Variants in KCNQ5 observed in about 807,000 individuals in gnomAD.
The protein encoded by KCNQ5 is potassium voltage-gated channel subfamily KQT member 5.
In KCNQ5, 30 loss-of-function variants were observed where a neutral mutation model predicts 98.2. The observed-to-expected ratio is 0.31, with a 90% CI of 0.23 to 0.41. The LOEUF (loss-of-function observed/expected upper bound fraction) is 0.41, where lower values mean the gene tolerates loss of function less well. KCNQ5 is among the 10% of genes least tolerant of loss of function. KCNQ5 has a pLI of 1.00. For synonymous variants in KCNQ5, 458 were observed against 449.4 expected, an observed-to-expected ratio of 1.02 and a Z score of -0.24; for missense variants, 835 against 1,182.5, an observed-to-expected ratio of 0.71 and a Z score of 4.31.
At chr6:72,945,324 A>G (rs1766487534) in intron 1 of KCNQ5, among the ~76,000 whole-genome samples, 1 of 152,006 alleles carries the variant, frequency 6.6e-6, no homozygotes, top group Admixed American at 6.6e-5. Flanking sequence ...ACATATGTAT[A>G]CATGTGCCAT....
chr6:72,759,107 T>C (rs1028420135), intron 1 of KCNQ5, among the ~76,000 whole-genome samples: 1 of 152,166 alleles, frequency 6.6e-6, no homozygotes, highest in Non-Finnish European at 1.5e-5. Context: ...ACTTCTTGTT[T>C]CAGGTGAAGC....
intron 1 of KCNQ5, among the ~76,000 whole-genome samples, chr6:72,700,579 A>G (rs994447316): frequency 6.6e-6 from 1 of 152,192 alleles, no homozygotes; most frequent in Non-Finnish European, 1.5e-5. Flanking sequence ...CAAACTAGTA[A>G]AATAGTACAA....
chr6:73,167,707 A>G (rs987731703), intron 10 of KCNQ5, among the ~76,000 whole-genome samples: 1 of 152,172 alleles, frequency 6.6e-6, no homozygotes, highest in Non-Finnish European at 1.5e-5. Context: ...ACCAGTAAAG[A>G]CTAGAAATTT....
chr6:72,757,735 T>C (rs771394981), intron 1 of KCNQ5, among the ~76,000 whole-genome samples: 32 of 152,188 alleles, frequency 2.1e-4, no homozygotes, highest in Non-Finnish European at 3.7e-4. Context: ...ATGTCCTTCA[T>C]ATACAAGATT....
chr6:72,986,993 GA>G, intron 1 of KCNQ5: 1 of 792,062 alleles, frequency 1.3e-6, no homozygotes, highest in Non-Finnish European at 2.1e-6. Flanking sequence ...TGAAGAAGAA[GA>G]AAACAAAAAT....
chr6:73,012,777 A>G (rs1004874959), intron 2 of KCNQ5, among the ~76,000 whole-genome samples: 1 of 152,102 alleles, frequency 6.6e-6, no homozygotes, highest in East Asian at 1.9e-4. Flanking sequence ...ACATTTACCT[A>G]TGTAACAAAC....
At position 73,013,316 on chromosome 6, in the gene KCNQ5, T is replaced by G. The variant is rs548273542; in HGVS notation, c.489+9318T>G. On this transcript the variant is annotated intron_variant, in intron 2 of 13. Coordinates refer to ENST00000370398, the MANE Select transcript of KCNQ5 (RefSeq NM_019842.4). The stretch of plus-strand genomic sequence containing the variant: ...GACAGTGCTTGTGGCTTTATATCTC[T>G]TCTCTCGATGTCTGCATCTACTGAG... 2.0e-5 allele frequency among the ~76,000 whole-genome samples: 3 copies of G among 152,220 alleles called. No individual in the cohort carries two copies. In the East Asian group the frequency reaches 5.8e-4, roughly 29 times the overall value.
At chr6:72,895,451 C>G (rs1047678212) in intron 1 of KCNQ5, among the ~76,000 whole-genome samples, 11 of 151,522 alleles carry the variant, frequency 7.3e-5, no homozygotes, top group Non-Finnish European at 1.6e-4. Flanking sequence ...ATGGAGAACA[C>G]GATTTTTTAA....
chr6:73,013,544 T>C (rs1770179255), intron 2 of KCNQ5, among the ~76,000 whole-genome samples: 1 of 152,192 alleles, frequency 6.6e-6, no homozygotes, highest in Non-Finnish European at 1.5e-5. Flanking sequence ...GTACCCTTCA[T>C]TTATTAGGCT....
At chr6:73,008,895 C>T (rs1300193075) in intron 2 of KCNQ5, among the ~76,000 whole-genome samples, 1 of 152,132 alleles carries the variant, frequency 6.6e-6, no homozygotes, top group Non-Finnish European at 1.5e-5. Context: ...AGATGGATAC[C>T]ACACAAAGTA....
At chr6:73,112,991 G>A (rs1412876591) in intron 7 of KCNQ5, among the ~76,000 whole-genome samples, 1 of 150,956 alleles carries the variant, frequency 6.6e-6, no homozygotes, top group Non-Finnish European at 1.5e-5. Context: ...TTCTTTACAG[G>A]TTTTAAAAGG....
chr6:73,072,252 C>A (rs1773328881), intron 3 of KCNQ5, among the ~76,000 whole-genome samples: 1 of 152,168 alleles, frequency 6.6e-6, no homozygotes, highest in South Asian at 2.1e-4. Flanking sequence ...CTCTTTGTGG[C>A]TTACTTACCT....
intron 10 of KCNQ5, among the ~76,000 whole-genome samples, chr6:73,164,379 A>G (rs1156256171): frequency 1.3e-5 from 2 of 152,218 alleles, no homozygotes; most frequent in African/African-American, 2.4e-5. Flanking sequence ...CCTACCCAAA[A>G]AAAAGCAGAA....
chr6:73,145,984 T>A (rs913972338), intron 10 of KCNQ5, among the ~76,000 whole-genome samples: 4 of 152,100 alleles, frequency 2.6e-5, no homozygotes, highest in African/African-American at 9.7e-5. Context: ...TTTTAAACCA[T>A]AATCCACCCC....
chr6:72,791,542 T>A (rs1774043588), intron 1 of KCNQ5, among the ~76,000 whole-genome samples: 2 of 152,196 alleles, frequency 1.3e-5, no homozygotes, highest in Admixed American at 1.3e-4. Context: ...GACTCCTGCC[T>A]ATGCCTGGTT....
chr6:72,980,713 C>G (rs548928490), intron 1 of KCNQ5, among the ~76,000 whole-genome samples: 11 of 152,204 alleles, frequency 7.2e-5, no homozygotes, highest in East Asian at 5.8e-4. Flanking sequence ...ACACTATGTT[C>G]AATAGGAGTG....
intron 2 of KCNQ5, among the ~76,000 whole-genome samples, chr6:73,035,129 A>G (rs981890634): frequency 5.3e-5 from 8 of 151,890 alleles, no homozygotes; most frequent in African/African-American, 9.7e-5. Flanking sequence ...ACAGGTGTGA[A>G]CCACCGCGCC....
intron 3 of KCNQ5, 196 bp downstream of exon 3, chr6:73,042,258 A>T (rs2150357828): frequency 1.6e-6 from 1 of 614,118 alleles, no homozygotes; most frequent in Non-Finnish European, 2.9e-6. Flanking sequence ...TATTTTTATT[A>T]TCCCCATTTT....
chr6:73,042,992 A>C (rs1771783077), intron 3 of KCNQ5: 1 of 178,154 alleles, frequency 5.6e-6, no homozygotes, highest in East Asian at 1.6e-4. Flanking sequence ...TTTCAACCTG[A>C]AAAAGTAGGT....
Sources: allele counts gnomAD v4.1 joint callset (sites outside exome capture counted in the v4.1 genomes callset), GRCh38; gene constraint gnomAD v4.1.1; transcripts MANE v1.5; gene names NCBI Gene and HGNC (gene_info 2026-07-23, HGNC 2026-07-21).